The following MPND variants were observed in gnomAD, a reference collection of about 807,000 sequenced individuals.
MPND encodes the protein MPN domain-containing protein.
A neutral mutation model predicts 59.2 loss-of-function variants in MPND; 56 were observed. That is an observed-to-expected ratio of 0.95 (90% CI 0.76 to 1.18). The LOEUF (loss-of-function observed/expected upper bound fraction) is 1.18, where lower values mean the gene tolerates loss of function less well. Ranked by LOEUF, MPND falls within the 50% of genes most tolerant of loss-of-function variation. The pLI is 0.00. For synonymous variants in MPND, 323 were observed against 291.9 expected (o/e 1.11, Z -1.09); for missense variants, 671 against 676.0 (o/e 0.99, Z 0.08).
intron 3 of MPND, among the ~76,000 whole-genome samples, chr19:4,351,531 C>T (rs528213003): frequency 3.9e-5 from 6 of 152,194 alleles, no homozygotes; most frequent in South Asian, 4.2e-4. Flanking sequence ...ATGCCATCCC[C>T]GTGGAGTTGG....
chr19:4,355,138 G>C lies in MPND; in HGVS notation c.961G>C (p.Gly321Arg), dbSNP rs376145951. 3 of 1,613,564 alleles carry C rather than the reference G, an allele frequency of 1.9e-6. No individual in the cohort carries two copies. Among genetic ancestry groups the C allele is most frequent in the Non-Finnish European group, 2.5e-6 (3 of 1,179,998 alleles). The change falls in exon 8 of 13, where the codon GGG (glycine) becomes CGG (arginine). Residue 321 changes from glycine to arginine, a missense_variant. Transcript: ENST00000599840. ...AGCCTTCCCTTGTCGGAGCCGGCTC[G>C]GGGACGCAGAGACTGCAGCTGCCAT... ...LRAFPCRSRLGDAETAAAIEE... is the reference protein window; with the variant it reads ...LRAFPCRSRLRDAETAAAIEE...
chr19:4,352,673 G>C (rs1972345010), intron 3 of MPND, among the ~76,000 whole-genome samples: 1 of 152,042 alleles, frequency 6.6e-6, no homozygotes, highest in Non-Finnish European at 1.5e-5. Context: ...GACAGAGAGA[G>C]ACTCCGTCTC....
intron 11 of MPND, among the ~76,000 whole-genome samples, 153 bp from the exon 12 acceptor site, chr19:4,359,010 C>T (rs1972512024): frequency 6.6e-6 from 1 of 152,036 alleles, no homozygotes; most frequent in African/African-American, 2.4e-5. Flanking sequence ...CTAGGTGAGC[C>T]CTCTGGCTAA....
In MPND at chr19:4,343,989, T is replaced by C; in HGVS notation, c.289T>C (p.Tyr97His). Residue 97 changes from tyrosine to histidine, a missense_variant, in exon 2 of 13, where the codon TAC (tyrosine) becomes CAC (histidine). Tyr to His is a moderately conservative substitution (Grantham distance 83, BLOSUM62 2). Coordinates refer to ENST00000599840, the MANE Select transcript of MPND (RefSeq NM_001300862.2). ...TGGCGCCGGGGTGCTGTCCATCTAC[T>C]ACCTGGTGAGCACCCCGCCTCCCTC... ...EPGAGVLSIY[Y>H]LGKKFLGDLQ... The C allele has an allele frequency of 7.4e-7, 1 of 1,349,896 alleles. No homozygotes were observed. Among genetic ancestry groups the C allele is most frequent in the Non-Finnish European group, 9.5e-7 (1 of 1,051,914 alleles). 83.6% of individuals were successfully genotyped at this position (1,349,896 alleles called of 1,614,324 possible). A position where few individuals can be genotyped will look rare whatever the true frequency, so the allele number is the denominator to read the frequency against.
rs1972179151 is a variant in MPND, at chr19:4,346,001, C to T, written c.531+20C>T. 6.3e-7 allele frequency: 1 copy of T among 1,597,230 alleles called. No homozygotes were observed. The highest frequency in any genetic ancestry group is 1.3e-5 in the African/African-American group (1 of 74,562). On this transcript the variant is annotated intron_variant, in intron 3 of 12. Coordinates refer to ENST00000599840, the MANE Select transcript of MPND (RefSeq NM_001300862.2). The stretch of plus-strand genomic sequence containing the variant: ...GATGAGGTACGTGCTGCAGCCTCCT[C>T]CAGGAAGCCGCCCAGGTCACTGTGG...
At chr19:4,349,992 A>C (rs1430151234) in intron 3 of MPND, among the ~76,000 whole-genome samples, 1 of 152,128 alleles carries the variant, frequency 6.6e-6, no homozygotes, top group Admixed American at 6.6e-5. Flanking sequence ...AACTGTGTGC[A>C]AGGCCTGTTT....
rs899690474 is a variant in MPND, at chr19:4,355,131, C to A, written c.954C>A (p.Ser318Arg). The part of the protein sequence containing the change: ...LTVLRAFPCR[S>R]RLGDAETAAA... ...TGCTCAGAGCCTTCCCTTGTCGGAGCCGGCTCGGGGACGCAGAGACTGCAG... is the reference window on the plus strand; with the variant it reads ...TGCTCAGAGCCTTCCCTTGTCGGAGACGGCTCGGGGACGCAGAGACTGCAG... Residue 318 changes from serine (S) to arginine (R), a missense_variant, in exon 8 of 13, where the codon AGC becomes AGA. Ser to Arg is a moderately radical substitution (Grantham distance 110). Coordinates refer to ENST00000599840, the MANE Select transcript of MPND (RefSeq NM_001300862.2). 1 of 1,613,608 alleles carries A rather than the reference C, an allele frequency of 6.2e-7. No individual in the cohort carries two copies. Among genetic ancestry groups the A allele is most frequent in the African/African-American group, 1.3e-5 (1 of 74,910 alleles).
At chr19:4,351,304 A>G (rs1459622320) in intron 3 of MPND, among the ~76,000 whole-genome samples, 1 of 151,826 alleles carries the variant, frequency 6.6e-6, no homozygotes, top group African/African-American at 2.4e-5. Context: ...GGGTTTCACC[A>G]TGTTGGCCAG....
chr19:4,359,254 A>G lies in MPND; in HGVS notation c.1418A>G (p.Lys473Arg). 2.5e-6 allele frequency: 4 copies of G among 1,612,342 alleles called. No individual in the cohort carries two copies. Among genetic ancestry groups the G allele is most frequent in the Non-Finnish European group, 3.4e-6 (4 of 1,179,170 alleles). Residue 473 changes from lysine to arginine, a missense_variant and splice_region_variant, in exon 12 of 13, where the codon AAG becomes AGG. Coordinates refer to ENST00000599840, the MANE Select transcript of MPND (RefSeq NM_001300862.2). ...SQEHTYLDKLKISLASRTPKD... is the reference protein window; with the variant it reads ...SQEHTYLDKLRISLASRTPKD... ...GAGCACACCTACCTCGACAAGCTTAAGGTGAGCCCCAAGTCCCCGCAGACC... is the reference window on the plus strand; with the variant it reads ...GAGCACACCTACCTCGACAAGCTTAGGGTGAGCCCCAAGTCCCCGCAGACC...
At chr19:4,355,061 CCGGGGTCA>C (rs767315796) in intron 7 of MPND, 28 bp from the exon 8 acceptor site, 3 of 1,613,046 alleles carry the variant, frequency 1.9e-6, no homozygotes, top group Middle Eastern at 1.7e-4. Flanking sequence ...CGTTGGAGGA[CCGGGGTCA>C]CGGGGTCACA....
Position 4,343,694 on chromosome 19 carries a change from C to T in MPND, c.8-14C>T. 1 of 1,194,516 alleles carries T rather than the reference C, an allele frequency of 8.4e-7. No individual in the cohort carries two copies. Among genetic ancestry groups the T allele is most frequent in the Non-Finnish European group, 1.0e-6 (1 of 964,236 alleles). 74.0% of individuals were successfully genotyped at this position (1,194,516 alleles called of 1,614,324 possible). A position where few individuals can be genotyped will look rare whatever the true frequency, so the allele number is the denominator to read the frequency against. ...GGGGCGAGCGGCCTCCCTGCAGCCT[C>T]TCGCTGTCCGCAGCTCCGGAGCCGC... On this transcript the variant is annotated splice_polypyrimidine_tract_variant and intron_variant, in intron 1 of 12. Coordinates refer to ENST00000599840, the MANE Select transcript of MPND (RefSeq NM_001300862.2).
intron 11 of MPND, 23 bp downstream of exon 11, chr19:4,358,195 A>G: frequency 6.5e-7 from 1 of 1,545,936 alleles, no homozygotes. Flanking sequence ...CGGGGCGGGC[A>G]GGCAGGGGCT....
In MPND at chr19:4,357,327, G is replaced by A. The variant is rs747220089; in HGVS notation, c.1071G>A (p.Leu357=). 25 of 1,613,032 alleles carry A rather than the reference G, an allele frequency of 1.5e-5. No homozygotes were observed. Among genetic ancestry groups the A allele is most frequent in the African/African-American group, 2.7e-5 (2 of 74,944 alleles). ...WYHSHPHSPA[L]PSLQDIDAQM... Reference sequence around the variant, plus strand: ...ACAGCCACCCACACAGCCCGGCGCTGCCATCTCTGCAGGACATCGACGCAC... The same window carrying A: ...ACAGCCACCCACACAGCCCGGCGCTACCATCTCTGCAGGACATCGACGCAC... The change falls in exon 9 of 13, where the codon CTG becomes CTA. Residue 357 remains leucine (L), a synonymous_variant. Transcript: ENST00000599840.
At chr19:4,350,054 T>TG in intron 3 of MPND, among the ~76,000 whole-genome samples, 1 of 133,652 alleles carries the variant, frequency 7.5e-6, no homozygotes, top group Non-Finnish European at 1.6e-5. Context: ...TCCCTGCCTT[T>TG]GGGTGGGAGT....
Position 4,358,939 on chromosome 19 carries a change from C to T in MPND, c.1327-224C>T, listed in dbSNP as rs533866446. Reference sequence around the variant, plus strand: ...TGAGTGCAGGTCCAGGTGGACCTCTCGTGGCAGCCACTTGGGCAACGCTGC... The same window carrying T: ...TGAGTGCAGGTCCAGGTGGACCTCTTGTGGCAGCCACTTGGGCAACGCTGC... On this transcript the variant is annotated intron_variant, in intron 11 of 12. Coordinates refer to ENST00000599840, the MANE Select transcript of MPND (RefSeq NM_001300862.2). Among the ~76,000 whole-genome samples the T allele has an allele frequency of 1.7e-3, 254 of 152,276 alleles. 2 individuals carry two copies. Among genetic ancestry groups the T allele is most frequent in the African/African-American group, 5.8e-3 (241 of 41,568 alleles).
intron 4 of MPND, 72 bp from the exon 5 acceptor site, chr19:4,353,973 C>A: frequency 1.5e-6 from 2 of 1,345,812 alleles, no homozygotes; most frequent in South Asian, 1.2e-5. Flanking sequence ...CATGCACCAC[C>A]ACACCCAGTG....
chr19:4,359,374 C>T (rs1310988669), intron 12 of MPND, 119 bp downstream of exon 12: 2 of 701,112 alleles, frequency 2.9e-6, no homozygotes, highest in East Asian at 5.4e-5. Context: ...GCCCAGCTGG[C>T]AGACTGGTGA....
At chr19:4,353,058 CA>C (rs762045424) in intron 4 of MPND, 29 bp downstream of exon 4, 4 of 1,324,382 alleles carry the variant, frequency 3.0e-6, no homozygotes, top group African/African-American at 1.5e-5. Context: ...GGAGGCAGGA[CA>C]GGGGCGGATA....
In MPND at chr19:4,343,993, T is replaced by C. The variant is rs1357448107; in HGVS notation, c.293T>C (p.Leu98Pro). ...GCCGGGGTGCTGTCCATCTACTACC[T>C]GGTGAGCACCCCGCCTCCCTCGTCC... The part of the protein sequence containing the change: ...PGAGVLSIYY[L>P]GKKFLGDLQP... The change falls in exon 2 of 13, where the codon CTG (leucine) becomes CCG (proline). Residue 98 changes from leucine (L) to proline (P), a missense_variant and splice_region_variant. Coordinates refer to ENST00000599840, the MANE Select transcript of MPND (RefSeq NM_001300862.2). 7.5e-7 allele frequency: 1 copy of C among 1,331,386 alleles called. No homozygotes were observed. Among genetic ancestry groups the C allele is most frequent in the Non-Finnish European group, 9.6e-7 (1 of 1,043,372 alleles). The allele number at this position is 1,331,386 out of a possible 1,614,324, so 82.5% of individuals were successfully genotyped here. A position where few individuals can be genotyped will look rare whatever the true frequency, so the allele number is the denominator to read the frequency against.
Sources: gnomAD v4.1 joint callset for allele counts (sites outside exome capture counted in the v4.1 genomes callset) on GRCh38, gnomAD v4.1.1 for gene constraint, MANE v1.5 for transcripts, NCBI Gene and HGNC (gene_info 2026-07-23, HGNC 2026-07-21) for gene names.